The following ALDH1A3 variants were observed in gnomAD, a reference collection of about 807,000 sequenced individuals.
ALDH1A3 encodes aldehyde dehydrogenase 1 family member A3, also known as retinaldehyde dehydrogenase 3.
In ALDH1A3, 28 loss-of-function variants were observed where a neutral mutation model predicts 57.5. The ratio of observed to expected loss-of-function variants is 0.49; its 90% CI spans 0.36 to 0.67. ALDH1A3 has a LOEUF of 0.67. Among genes scored for constraint, ALDH1A3 ranks in the 30% least tolerant of loss-of-function variants. The pLI, the probability that ALDH1A3 is intolerant of heterozygous loss-of-function variation, is 0.00. For synonymous variants in ALDH1A3, 281 were observed against 264.8 expected, an observed-to-expected ratio of 1.06 and a Z score of -0.59; for missense variants, 507 against 669.4, an observed-to-expected ratio of 0.76 and a Z score of 2.68.
rs3803431 is a variant in ALDH1A3, at chr15:100,905,561, C to T, written c.1107C>T (p.Ile369=). ...AGTTCGACAAAATCTTAGAGCTGAT[C>T]GAGAGTGGGAAGAAGGAAGGGGCCA... The part of the protein sequence containing the change: ...QKQFDKILEL[I]ESGKKEGAKL... The change falls in exon 10 of 13, where the codon ATC becomes ATT. Residue 369 remains isoleucine, a synonymous_variant. Coordinates refer to ENST00000329841, the MANE Select transcript of ALDH1A3 (RefSeq NM_000693.4). 2.5e-6 allele frequency: 4 copies of T among 1,613,974 alleles called. No homozygotes were observed. Among genetic ancestry groups the T allele is most frequent in the African/African-American group, 1.3e-5 (1 of 74,886 alleles).
chr15:100,888,125 G>A (rs2041614609), intron 3 of ALDH1A3, among the ~76,000 whole-genome samples: 1 of 151,940 alleles, frequency 6.6e-6, no homozygotes, highest in Non-Finnish European at 1.5e-5. Context: ...TTGAGACAGA[G>A]TCTCCCTCTG....
chr15:100,884,830 G>A (rs2041579671), intron 1 of ALDH1A3, among the ~76,000 whole-genome samples: 1 of 152,136 alleles, frequency 6.6e-6, no homozygotes, highest in African/African-American at 2.4e-5. Context: ...GGAGTGCTCG[G>A]TGCGTCCTTA....
Position 100,879,899 on chromosome 15 carries a change from G to T in ALDH1A3, c.-9G>T. ...TAGGGCGCCTCGGGCCAGGGAGCGC[G>T]GAGGAGCCATGGCCACCGCTAACGG... On this transcript the variant is annotated 5_prime_UTR_variant, in exon 1 of 13. Coordinates refer to ENST00000329841, the MANE Select transcript of ALDH1A3 (RefSeq NM_000693.4). The T allele has an allele frequency of 3.5e-6, 5 of 1,415,368 alleles. No homozygotes were observed. Among genetic ancestry groups the T allele is most frequent in the Non-Finnish European group, 4.6e-6 (5 of 1,079,440 alleles). 87.7% of individuals were successfully genotyped at this position (1,415,368 alleles called of 1,614,324 possible).
Position 100,900,626 on chromosome 15 carries a change from A to G in ALDH1A3, c.935A>G (p.Gln312Arg), listed in dbSNP as rs1285915498. ...AHQGVFFNQG[Q>R]CCTAASRVFV... ...CAGGGAGTGTTCTTCAACCAAGGCCAGTGTTGCACGGCAGCCTCCAGGGTG... is the reference window on the plus strand; with the variant it reads ...CAGGGAGTGTTCTTCAACCAAGGCCGGTGTTGCACGGCAGCCTCCAGGGTG... Residue 312 changes from glutamine to arginine, a missense_variant, in exon 9 of 13, where the codon CAG becomes CGG. Gln to Arg is a conservative substitution (Grantham distance 43, BLOSUM62 1). This residue lies in a region of ALDH1A3 where 432 missense variants were observed against 608.4 expected (regional missense o/e 0.71). Coordinates refer to ENST00000329841, the MANE Select transcript of ALDH1A3 (RefSeq NM_000693.4). 1 of 1,610,448 alleles carries G rather than the reference A, an allele frequency of 6.2e-7. No individual in the cohort carries two copies. The highest frequency in any genetic ancestry group is 8.5e-7 in the Non-Finnish European group (1 of 1,178,248).
rs1212675163 is a variant in ALDH1A3 at position 100,894,525 on chromosome 15, C to T, written c.666+443C>T. 5.9e-6 allele frequency: 1 copy of T among 168,578 alleles called. No individual in the cohort carries two copies. Among genetic ancestry groups the T allele is most frequent in the African/African-American group, 2.4e-5 (1 of 42,004 alleles). The allele number at this position is 168,578 out of a possible 1,614,324, so 10.4% of individuals were successfully genotyped here. A position where few individuals can be genotyped will look rare whatever the true frequency, so the allele number is the denominator to read the frequency against. ...TGCCGGGTCCCTGCTAATCAGTGCC[C>T]TCTGCTCTGAATGCAATCTCTTCTC... On this transcript the variant is annotated intron_variant, in intron 6 of 12. Coordinates refer to ENST00000329841, the MANE Select transcript of ALDH1A3 (RefSeq NM_000693.4). This position sits in a 1 kb window ranked among gnomAD's most constrained non-coding sequence, Gnocchi z 4.5.
In ALDH1A3 at chr15:100,887,817, G is replaced by A; in HGVS notation, c.345+105G>A. ...AAGATCACGGTCCTGGTTTTGTGTG[G>A]TCGTGGGTCTGTTCCATCCTCTGAG... On this transcript the variant is annotated intron_variant, in intron 3 of 12. Coordinates refer to ENST00000329841, the MANE Select transcript of ALDH1A3 (RefSeq NM_000693.4). This position sits in a 1 kb window ranked among gnomAD's most constrained non-coding sequence, Gnocchi z 4.6. The A allele has an allele frequency of 7.2e-7, 1 of 1,396,194 alleles. No homozygotes were observed. The highest frequency in any genetic ancestry group is 9.5e-7 in the Non-Finnish European group (1 of 1,054,768). The allele number at this position is 1,396,194 out of a possible 1,614,324, so 86.5% of individuals were successfully genotyped here. A position where few individuals can be genotyped will look rare whatever the true frequency, so the allele number is the denominator to read the frequency against.
At chr15:100,882,937 A>C (rs895875686) in intron 1 of ALDH1A3, among the ~76,000 whole-genome samples, 1 of 152,246 alleles carries the variant, frequency 6.6e-6, no homozygotes, top group African/African-American at 2.4e-5. Flanking sequence ...AAAGTAAAAG[A>C]TTTTACAAAA....
chr15:100,910,964 A>C lies in ALDH1A3; in HGVS notation c.1466+2482A>C, dbSNP rs145852327. Among the ~76,000 whole-genome samples, 1,187 of 152,234 alleles carry C rather than the reference A, an allele frequency of 7.8e-3. 24 individuals carry two copies. Among genetic ancestry groups the C allele is most frequent in the African/African-American group, 0.027 (1,129 of 41,530 alleles). On this transcript the variant is annotated intron_variant, in intron 12 of 12. Transcript: ENST00000329841. ...ACCCTAACAGTGCTTTTGGCTCCTT[A>C]ACACCCCCTCGCCTGGCACAGAGCA...
chr15:100,896,072 G>A (rs772094892), intron 7 of ALDH1A3, 26 bp downstream of exon 7: 4 of 1,558,646 alleles, frequency 2.6e-6, no homozygotes, highest in Non-Finnish European at 3.5e-6. Context: ...GGGTGCTGGG[G>A]AAAGTGAAAG....
rs747663008 is a variant in ALDH1A3, at chr15:100,880,039, C to T, written c.99+33C>T. 22 of 1,418,734 alleles carry T rather than the reference C, an allele frequency of 1.6e-5. 1 individual carries two copies. In the South Asian group the frequency reaches 3.0e-4, roughly 19 times the overall value. The allele number at this position is 1,418,734 out of a possible 1,614,324, so 87.9% of individuals were successfully genotyped here. A position where few individuals can be genotyped will look rare whatever the true frequency, so the allele number is the denominator to read the frequency against. On this transcript the variant is annotated intron_variant, in intron 1 of 12. Transcript: ENST00000329841. ...GGGCGCCCCTCCCACCCGACGGCCG[C>T]GGGCCCCTGCGCTGGGCAGCCAGAC...
chr15:100,889,942 G>A lies in ALDH1A3; in HGVS notation c.345+2230G>A, dbSNP rs1423678869. Among the ~76,000 whole-genome samples the A allele has an allele frequency of 1.3e-5, 2 of 152,192 alleles. No homozygotes were observed. Among genetic ancestry groups the A allele is most frequent in the East Asian group, 1.9e-4 (1 of 5,196 alleles). On this transcript the variant is annotated intron_variant, in intron 3 of 12. Transcript: ENST00000329841. The surrounding 1 kb of genome is among the most constrained non-coding windows in gnomAD (Gnocchi z 5.1). ...TGCTCTCCACCTCGATATGGTTTCC[G>A]TGCATGTTCATGGAGCGTGTTCTCT... is the stretch of plus-strand genomic sequence containing the variant.
chr15:100,891,167 T>C (rs2041645715), intron 3 of ALDH1A3, among the ~76,000 whole-genome samples: 1 of 152,186 alleles, frequency 6.6e-6, no homozygotes, highest in Non-Finnish European at 1.5e-5. Flanking sequence ...GCGGGCACTG[T>C]GGTTGCTGCT....
intron 9 of ALDH1A3, 72 bp downstream of exon 9, chr15:100,900,831 C>T: frequency 6.6e-7 from 1 of 1,519,718 alleles, no homozygotes; most frequent in South Asian, 1.2e-5. Context: ...ATGGCAACCG[C>T]CTACAGGGTC....
Position 100,908,403 on chromosome 15 carries a change from T to C in ALDH1A3, c.1392-5T>C, listed in dbSNP as rs1473824970. On this transcript the variant is annotated splice_region_variant and splice_polypyrimidine_tract_variant and intron_variant, in intron 11 of 12. Transcript: ENST00000329841. ...GACTCTGAGCTTTCTTCCATTCTTT[T>C]CTAGGATCAACTGCTACAACGCCCT... 5 of 1,613,442 alleles carry C rather than the reference T, an allele frequency of 3.1e-6. No homozygotes were observed. The highest frequency in any genetic ancestry group is 4.2e-6 in the Non-Finnish European group (5 of 1,179,380).
intron 1 of ALDH1A3, among the ~76,000 whole-genome samples, chr15:100,881,695 T>A (rs895365189): frequency 6.6e-6 from 1 of 152,190 alleles, no homozygotes; most frequent in African/African-American, 2.4e-5. Context: ...AGGGAACCAG[T>A]GCAGGAATGA....
In ALDH1A3 at chr15:100,889,941, C is replaced by T. The variant is rs950890794; in HGVS notation, c.345+2229C>T. 3.3e-5 allele frequency among the ~76,000 whole-genome samples: 5 copies of T among 152,212 alleles called. No individual in the cohort carries two copies. Among genetic ancestry groups the T allele is most frequent in the Non-Finnish European group, 7.3e-5 (5 of 68,038 alleles). ...TTGCTCTCCACCTCGATATGGTTTC[C>T]GTGCATGTTCATGGAGCGTGTTCTC... On this transcript the variant is annotated intron_variant, in intron 3 of 12. Coordinates refer to ENST00000329841, the MANE Select transcript of ALDH1A3 (RefSeq NM_000693.4). The surrounding 1 kb of genome is among the most constrained non-coding windows in gnomAD (Gnocchi z 5.1).
At chr15:100,890,564 G>A (rs376244768) in intron 3 of ALDH1A3, among the ~76,000 whole-genome samples, 4 of 152,260 alleles carry the variant, frequency 2.6e-5, no homozygotes, top group South Asian at 2.1e-4. Context: ...CTGAATGTTC[G>A]CCATGTACCT....
In ALDH1A3 at chr15:100,880,140, GGCGCGGCTCTCCA is replaced by G. The variant is rs1384748355; in HGVS notation, c.99+136_99+148del. 562 of 536,042 alleles carry G rather than the reference GGCGCGGCTCTCCA, an allele frequency of 1.0e-3. 3 individuals carry two copies. Among genetic ancestry groups the G allele is most frequent in the Non-Finnish European group, 1.4e-3 (496 of 354,060 alleles). 33.2% of individuals were successfully genotyped at this position (536,042 alleles called of 1,614,324 possible). On this transcript the variant is annotated intron_variant, in intron 1 of 12. Coordinates refer to ENST00000329841, the MANE Select transcript of ALDH1A3 (RefSeq NM_000693.4). Reference sequence around the variant, plus strand: ...GCCGAGACCCGAGCCTCCCTGCCCGGGCGCGGCTCTCCAGAAACCGCACCTTTCGCGGGACGTC... The same window carrying G: ...GCCGAGACCCGAGCCTCCCTGCCCGGGAAACCGCACCTTTCGCGGGACGTC...
At chr15:100,898,838 A>G (rs2041738063) in intron 8 of ALDH1A3, among the ~76,000 whole-genome samples, 1 of 152,190 alleles carries the variant, frequency 6.6e-6, no homozygotes, top group Non-Finnish European at 1.5e-5. Context: ...TGCCATGTCC[A>G]CAAGAGGGAA....
Sources: allele counts gnomAD v4.1 joint callset (sites outside exome capture counted in the v4.1 genomes callset), GRCh38; gene constraint gnomAD v4.1.1; regional missense constraint gnomAD v4.1.1; non-coding constraint Gnocchi (gnomAD v3.1); transcripts MANE v1.5; gene names NCBI Gene and HGNC (gene_info 2026-07-23, HGNC 2026-07-21).